TRMT11: variants seen among roughly 807,000 people sequenced by gnomAD.
The protein encoded by TRMT11 is tRNA methyltransferase 11, also known as tRNA (guanine(10)-N(2))-methyltransferase TRMT11.
In TRMT11, 53 loss-of-function variants were observed where a neutral mutation model predicts 62.8. The observed-to-expected ratio is 0.84, with a 90% CI of 0.68 to 1.06. TRMT11 has a LOEUF of 1.06. TRMT11 is among the 50% of genes least tolerant of loss of function. TRMT11 has a pLI of 0.00. For synonymous variants in TRMT11, 188 were observed against 190.3 expected (o/e 0.99, Z 0.10); for missense variants, 556 against 553.4 (o/e 1.00, Z -0.05).
the TRMT11 span, among the ~76,000 whole-genome samples, chr6:126,232,077 A>G: frequency 2.0e-5 from 3 of 152,164 alleles, no homozygotes. Flanking sequence ...CCATACTGCT[A>G]TATCCAAACT....
chr6:126,100,493 AC>A (rs1777386307), intron 17 of TRMT11, among the ~76,000 whole-genome samples: 1 of 152,198 alleles, frequency 6.6e-6, no homozygotes, highest in African/African-American at 2.4e-5. Flanking sequence ...CAGAAACCCG[AC>A]CTGAACAAGC....
chr6:125,987,106 A>G (rs1789773486), intron 1 of TRMT11: 1 of 159,076 alleles, frequency 6.3e-6, no homozygotes, highest in African/African-American at 2.4e-5. Flanking sequence ...CTGGGCATGT[A>G]ACGATGATGT....
intron 21 of TRMT11, among the ~76,000 whole-genome samples, chr6:126,144,113 C>T (rs1777948722): frequency 6.6e-6 from 1 of 152,144 alleles, no homozygotes; most frequent in Non-Finnish European, 1.5e-5. Flanking sequence ...TGCATTGTTT[C>T]TCCATTTCAC....
At chr6:126,117,557 T>C (rs1411656274) in intron 21 of TRMT11, among the ~76,000 whole-genome samples, 3 of 152,130 alleles carry the variant, frequency 2.0e-5, no homozygotes, top group African/African-American at 7.2e-5. Context: ...CCTAGTTTAC[T>C]CTAATGTTGA....
At chr6:126,233,404 C>T in the TRMT11 span, among the ~76,000 whole-genome samples, 1 of 152,086 alleles carries the variant, frequency 6.6e-6, no homozygotes, top group Non-Finnish European at 1.5e-5. Flanking sequence ...AGGGTGTTGC[C>T]GCATTTACAT....
chr6:126,131,543 C>T (rs1777783317), intron 21 of TRMT11, among the ~76,000 whole-genome samples: 2 of 151,904 alleles, frequency 1.3e-5, no homozygotes, highest in Admixed American at 6.6e-5. Flanking sequence ...AATTAGAGCA[C>T]AGAAACGAGG....
the TRMT11 span, among the ~76,000 whole-genome samples, chr6:126,241,017 G>T: frequency 6.6e-6 from 1 of 152,264 alleles, no homozygotes; most frequent in African/African-American, 2.4e-5. Flanking sequence ...CCAGGCACAG[G>T]ATATAATCTC....
chr6:126,038,459 A>G (rs556687973), intron 12 of TRMT11, among the ~76,000 whole-genome samples: 8,414 of 151,320 alleles, frequency 0.056, 357 homozygotes, highest in Middle Eastern at 0.093. Flanking sequence ...AAAAAGAAAA[A>G]AAGAAATTTG....
At chr6:126,237,972 C>A in the TRMT11 span, among the ~76,000 whole-genome samples, 15 of 152,150 alleles carry the variant, frequency 9.9e-5, no homozygotes, top group African/African-American at 3.4e-4. Flanking sequence ...TTATCCATTT[C>A]TTCTAGATTT....
intron 17 of TRMT11, among the ~76,000 whole-genome samples, chr6:126,064,872 T>C (rs1389125315): frequency 6.6e-6 from 1 of 152,246 alleles, no homozygotes; most frequent in Non-Finnish European, 1.5e-5. Flanking sequence ...TTAGCAGCCT[T>C]GTTTTATGTT....
the TRMT11 span, among the ~76,000 whole-genome samples, chr6:126,234,264 T>C: frequency 6.6e-6 from 1 of 152,246 alleles, no homozygotes; most frequent in Admixed American, 6.5e-5. Flanking sequence ...CTTGAAACAA[T>C]TTCAAAGCAG....
At chr6:126,229,587 G>T in the TRMT11 span, among the ~76,000 whole-genome samples, 2 of 152,258 alleles carry the variant, frequency 1.3e-5, no homozygotes, top group East Asian at 3.9e-4. Context: ...GCCAATCCTT[G>T]AAGTACAAAA....
chr6:126,268,253 T>C, the TRMT11 span, among the ~76,000 whole-genome samples: 1 of 152,102 alleles, frequency 6.6e-6, no homozygotes, highest in Non-Finnish European at 1.5e-5. Context: ...CACAGGGGGT[T>C]TCCAGCATGT....
Position 126,022,471 on chromosome 6 carries a change from A to G in TRMT11, c.1260+1191A>G, listed in dbSNP as rs111697675. Among the ~76,000 whole-genome samples the G allele has an allele frequency of 5.8e-3, 879 of 152,324 alleles. 11 individuals carry two copies. Among genetic ancestry groups the G allele is most frequent in the African/African-American group, 0.02 (812 of 41,572 alleles). On this transcript the variant is annotated intron_variant, in intron 12 of 12. Coordinates refer to ENST00000334379, the MANE Select transcript of TRMT11 (RefSeq NM_001031712.3). Reference sequence around the variant, plus strand: ...CAGTGCCTTTTGCATATATTATTTTACATCATTGTTTTCGTCCTTTTTATT... The same window carrying G: ...CAGTGCCTTTTGCATATATTATTTTGCATCATTGTTTTCGTCCTTTTTATT...
chr6:126,165,725 C>T (rs7766381), intron 21 of TRMT11, among the ~76,000 whole-genome samples: 5,676 of 152,268 alleles, frequency 0.037, 361 homozygotes, highest in African/African-American at 0.13. Flanking sequence ...TTTGCTCCTT[C>T]ATTTCAACCT....
At chr6:125,998,474 G>A in intron 5 of TRMT11, 76 bp from the exon 6 acceptor site, 1 of 1,464,290 alleles carries the variant, frequency 6.8e-7, no homozygotes, top group Admixed American at 2.1e-5. Context: ...AGGCTTACAA[G>A]GTAATGTTAT....
At chr6:126,009,505 T>A (rs1322330436) in intron 8 of TRMT11, 1 of 152,058 alleles carries the variant, frequency 6.6e-6, no homozygotes, top group East Asian at 1.9e-4. Flanking sequence ...TTATAATAAC[T>A]GGGATCAGCC....
chr6:126,241,089 T>A, the TRMT11 span, among the ~76,000 whole-genome samples: 1 of 152,196 alleles, frequency 6.6e-6, no homozygotes, highest in African/African-American at 2.4e-5. Flanking sequence ...ATGACCTGAT[T>A]TTCCAGGTGC....
chr6:126,255,240 T>C, the TRMT11 span, among the ~76,000 whole-genome samples: 1 of 152,216 alleles, frequency 6.6e-6, no homozygotes. Context: ...ATCTATACCT[T>C]TTTTCTGAGA....
Sources: gnomAD v4.1 joint callset for allele counts (sites outside exome capture counted in the v4.1 genomes callset) on GRCh38, gnomAD v4.1.1 for gene constraint, MANE v1.5 for transcripts, NCBI Gene and HGNC (gene_info 2026-07-23, HGNC 2026-07-21) for gene names.